CCDC170: variants seen among roughly 807,000 people sequenced by gnomAD.
The protein encoded by CCDC170 is coiled-coil domain-containing protein 170.
CCDC170 carries 69 observed loss-of-function variants against 72.6 expected under a neutral mutation model. That is an observed-to-expected ratio of 0.95 (90% CI 0.78 to 1.16). CCDC170 has a LOEUF of 1.16. CCDC170 is among the 50% of genes most tolerant of loss of function. CCDC170 has a pLI of 0.00. For missense variants in CCDC170, 852 were observed against 832.5 expected (o/e 1.02, Z -0.29); for synonymous variants, 300 against 303.9 (o/e 0.99, Z 0.13).
At chr6:151,574,147 A>T (rs896425936) in intron 6 of CCDC170, among the ~76,000 whole-genome samples, 1 of 152,238 alleles carries the variant, frequency 6.6e-6, no homozygotes, top group African/African-American at 2.4e-5. Context: ...CACGAGTTTG[A>T]AGCTGCAGTG....
chr6:151,572,669 T>TTTTTTTTTTTTTTTTTTTTTTG (rs1776239906), intron 5 of CCDC170, among the ~76,000 whole-genome samples: 1 of 142,576 alleles, frequency 7.0e-6, no homozygotes. Flanking sequence ...TTTTTTTTTT[T>TTTTTTTTTTTTTTTTTTTTTTG]GATGGAGTCT....
intron 10 of CCDC170, among the ~76,000 whole-genome samples, chr6:151,617,408 C>CTTTTTTTTTTTTTTT (rs745655791): frequency 8.7e-5 from 8 of 91,474 alleles, no homozygotes; most frequent in South Asian, 4.1e-4. Flanking sequence ...GCTGTTTGTT[C>CTTTTTTTTTTTTTTT]TTTTTTTTTT....
chr6:151,610,307 C>A (rs1776850355), intron 9 of CCDC170, among the ~76,000 whole-genome samples: 1 of 152,130 alleles, frequency 6.6e-6, no homozygotes, highest in Non-Finnish European at 1.5e-5. Flanking sequence ...CTAGTATGAT[C>A]CATGATCAAT....
intron 9 of CCDC170, among the ~76,000 whole-genome samples, chr6:151,613,262 G>A (rs374471131): frequency 6.6e-6 from 1 of 152,118 alleles, no homozygotes; most frequent in African/African-American, 2.4e-5. Flanking sequence ...AAATTAGCGG[G>A]CATGGTGGCG....
In CCDC170 at chr6:151,569,467, A is replaced by T. The variant is rs1262003446; in HGVS notation, c.775-3707A>T. ...CCTAAAGACTTATTAATTATAAAAA[A>T]ATTTTTTAAGTGATCCCCATCACAG... is the stretch of plus-strand genomic sequence containing the variant. On this transcript the variant is annotated intron_variant, in intron 5 of 10. Transcript: ENST00000239374. 2.6e-5 allele frequency among the ~76,000 whole-genome samples: 4 copies of T among 152,344 alleles called. No individual in the cohort carries two copies. The East Asian group carries it at 7.7e-4, about 29-fold the overall frequency.
intron 5 of CCDC170, among the ~76,000 whole-genome samples, chr6:151,554,276 T>A (rs1266136646): frequency 1.3e-5 from 2 of 152,180 alleles, no homozygotes; most frequent in African/African-American, 4.8e-5. Context: ...GAAGTTAAAA[T>A]CAATGAGATC....
chr6:151,611,004 T>A (rs574859001), intron 9 of CCDC170, among the ~76,000 whole-genome samples: 25 of 152,290 alleles, frequency 1.6e-4, no homozygotes, highest in African/African-American at 6.0e-4. Context: ...CTCCTCTCTG[T>A]CTAGAAAGGT....
chr6:151,500,685 G>A (rs1781981717), intron 1 of CCDC170, among the ~76,000 whole-genome samples: 1 of 152,082 alleles, frequency 6.6e-6, no homozygotes, highest in South Asian at 2.1e-4. Context: ...TAGTGGTAAA[G>A]AGAGTCACTA....
In CCDC170 at chr6:151,548,343, C is replaced by A; in HGVS notation, c.628C>A (p.Gln210Lys). Residue 210 changes from glutamine (Q) to lysine (K), a missense_variant, in exon 5 of 11, where the codon CAA (glutamine) becomes AAA (lysine). Gln to Lys is a moderately conservative substitution (Grantham distance 53). Coordinates refer to ENST00000239374, the MANE Select transcript of CCDC170 (RefSeq NM_025059.4). ...LRKENEFVKG[Q>K]IVILEETINV... ...CAAAGAAAATGAATTCGTGAAAGGA[C>A]AAATTGTTATTCTTGAAGAGACTAT... is the stretch of plus-strand genomic sequence containing the variant. 1.2e-6 allele frequency: 2 copies of A among 1,600,156 alleles called. No individual in the cohort carries two copies. Among genetic ancestry groups the A allele is most frequent in the Non-Finnish European group, 1.7e-6 (2 of 1,172,604 alleles).
intron 9 of CCDC170, among the ~76,000 whole-genome samples, chr6:151,600,221 A>T (rs964725203): frequency 1.3e-5 from 2 of 152,210 alleles, no homozygotes; most frequent in Non-Finnish European, 2.9e-5. Context: ...TCCAAGACAG[A>T]TTACCGGTAT....
chr6:151,589,269 AAC>A (rs10573611), intron 7 of CCDC170, among the ~76,000 whole-genome samples: 71,629 of 151,766 alleles, frequency 0.47, 18,958 homozygotes, highest in Non-Finnish European at 0.6. Context: ...CAAACAAACA[AAC>A]AAACAAACAC....
Position 151,619,280 on chromosome 6 carries a change from T to C in CCDC170, c.*1133T>C, listed in dbSNP as rs774436605. 1 of 152,164 alleles carries C rather than the reference T, an allele frequency of 6.6e-6. No individual in the cohort carries two copies. Among genetic ancestry groups the C allele is most frequent in the Non-Finnish European group, 1.5e-5 (1 of 68,042 alleles). The allele number at this position is 152,164 out of a possible 1,614,324, so 9.4% of individuals were successfully genotyped here. ...AACCCTATAAGATGAAGAAATCCTA[T>C]ATAGTCTTATTCACCAATATATCCA... is the stretch of plus-strand genomic sequence containing the variant. On this transcript the variant is annotated 3_prime_UTR_variant, in exon 11 of 11. Coordinates refer to ENST00000239374, the MANE Select transcript of CCDC170 (RefSeq NM_025059.4).
intron 5 of CCDC170, among the ~76,000 whole-genome samples, chr6:151,556,927 C>T (rs1782988211): frequency 6.6e-6 from 1 of 152,182 alleles, no homozygotes. Flanking sequence ...TTTTTCTACT[C>T]TCTAACTATA....
chr6:151,616,463 AT>A (rs1231735658), intron 10 of CCDC170, among the ~76,000 whole-genome samples: 6 of 150,574 alleles, frequency 4.0e-5, no homozygotes, highest in Middle Eastern at 3.4e-3. Context: ...TGATCCTAGG[AT>A]TTTTTTTTCC....
chr6:151,565,531 A>G (rs954586034), intron 5 of CCDC170, among the ~76,000 whole-genome samples: 2 of 152,066 alleles, frequency 1.3e-5, no homozygotes, highest in African/African-American at 4.8e-5. Flanking sequence ...TCCTTGCCCT[A>G]GGTGTTTCCT....
chr6:151,514,545 T>C (rs1782208173), intron 1 of CCDC170, among the ~76,000 whole-genome samples: 1 of 152,082 alleles, frequency 6.6e-6, no homozygotes, highest in East Asian at 1.9e-4. Flanking sequence ...CGATGAAAGC[T>C]CTGTGGCATG....
At chr6:151,585,750 C>A in intron 6 of CCDC170, 139 bp from the exon 7 acceptor site, 1 of 685,884 alleles carries the variant, frequency 1.5e-6, no homozygotes, top group Non-Finnish European at 2.3e-6. Flanking sequence ...CTATCAATTA[C>A]ATATTTTAAA....
chr6:151,513,813 C>T (rs138778745), intron 1 of CCDC170, among the ~76,000 whole-genome samples: 81 of 143,266 alleles, frequency 5.7e-4, no homozygotes, highest in African/African-American at 1.9e-3. Flanking sequence ...CCACCTACTC[C>T]GGAGGCTGAG....
At chr6:151,564,413 C>A (rs1776094545) in intron 5 of CCDC170, among the ~76,000 whole-genome samples, 1 of 152,080 alleles carries the variant, frequency 6.6e-6, no homozygotes, top group South Asian at 2.1e-4. Flanking sequence ...GCCAAGAGTG[C>A]CTGTTCTTAG....
Sources: gnomAD v4.1 joint callset for allele counts (sites outside exome capture counted in the v4.1 genomes callset) on GRCh38, gnomAD v4.1.1 for gene constraint, MANE v1.5 for transcripts, NCBI Gene and HGNC (gene_info 2026-07-23, HGNC 2026-07-21) for gene names.